Variants in AGBL1 observed in about 807,000 individuals in gnomAD.
AGBL1 encodes the protein cytosolic carboxypeptidase 4.
In AGBL1, 130 loss-of-function variants were observed where a neutral mutation model predicts 118.9. The ratio of observed to expected loss-of-function variants is 1.09; its 90% CI spans 0.95 to 1.26. The LOEUF (loss-of-function observed/expected upper bound fraction) is 1.26. Ranked by LOEUF, AGBL1 falls within the 50% of genes most tolerant of loss-of-function variation. The pLI is 0.00. For missense variants in AGBL1, 1,584 were observed against 1,298.1 expected (o/e 1.22, Z -3.38); for synonymous variants, 555 against 478.9 (o/e 1.16, Z -2.08).
At chr15:86,883,489 G>A (rs531450779) in intron 22 of AGBL1, among the ~76,000 whole-genome samples, 5 of 152,280 alleles carry the variant, frequency 3.3e-5, no homozygotes, top group South Asian at 4.1e-4. Flanking sequence ...AAAATCTCAC[G>A]TGTTCCTCTT....
chr15:86,169,953 T>A (rs1470806928), intron 5 of AGBL1, among the ~76,000 whole-genome samples: 2 of 152,070 alleles, frequency 1.3e-5, no homozygotes, highest in Admixed American at 1.3e-4. Flanking sequence ...AACACAAAAA[T>A]ATTCAGCACT....
chr15:86,552,205 C>G (rs2083672638), intron 20 of AGBL1, among the ~76,000 whole-genome samples: 1 of 152,088 alleles, frequency 6.6e-6, no homozygotes, highest in South Asian at 2.1e-4. Context: ...TGAGGGATGT[C>G]AATGTTGAGG....
intron 21 of AGBL1, among the ~76,000 whole-genome samples, chr15:86,658,328 G>C (rs908150287): frequency 1.3e-4 from 20 of 152,216 alleles, no homozygotes; most frequent in Admixed American, 8.5e-4. Flanking sequence ...ATGTAACAAT[G>C]TCTGACACTT....
intron 21 of AGBL1, among the ~76,000 whole-genome samples, chr15:86,647,584 C>T (rs1258970431): frequency 6.6e-6 from 1 of 152,044 alleles, no homozygotes; most frequent in Non-Finnish European, 1.5e-5. Context: ...ACCTGTAACC[C>T]CAGCTACTCG....
At chr15:86,738,004 A>T (rs984816018) in intron 22 of AGBL1, among the ~76,000 whole-genome samples, 4 of 152,172 alleles carry the variant, frequency 2.6e-5, no homozygotes, top group Non-Finnish European at 5.9e-5. Flanking sequence ...CAGATAAATA[A>T]ATGTGATATA....
chr15:86,591,446 T>C (rs1181539475), intron 21 of AGBL1, among the ~76,000 whole-genome samples: 1 of 152,182 alleles, frequency 6.6e-6, no homozygotes, highest in Non-Finnish European at 1.5e-5. Context: ...AGTTCAGGCT[T>C]CCGGAACTTC....
At chr15:86,458,745 A>G (rs943869660) in intron 18 of AGBL1, among the ~76,000 whole-genome samples, 3 of 152,194 alleles carry the variant, frequency 2.0e-5, no homozygotes, top group African/African-American at 7.2e-5. Context: ...ATCACTAAGT[A>G]CCTGTTGCAG....
chr15:86,975,193 C>T (rs78567271), intron 23 of AGBL1, among the ~76,000 whole-genome samples: 3,191 of 151,516 alleles, frequency 0.021, 125 homozygotes, highest in African/African-American at 0.073. Context: ...AATGACATAC[C>T]GGAGACTAGG....
intron 21 of AGBL1, among the ~76,000 whole-genome samples, chr15:86,664,744 C>T (rs1484704430): frequency 6.6e-6 from 1 of 151,714 alleles, no homozygotes; most frequent in African/African-American, 2.4e-5. Context: ...CATTCCTTTG[C>T]CTTTTATTAT....
chr15:86,506,112 T>C (rs1179615113), intron 18 of AGBL1, among the ~76,000 whole-genome samples: 1 of 152,074 alleles, frequency 6.6e-6, no homozygotes, highest in Admixed American at 6.6e-5. Context: ...TGTTGATGTC[T>C]GGGCATGCCT....
chr15:86,184,465 CA>C (rs1249768554), intron 5 of AGBL1, among the ~76,000 whole-genome samples: 1 of 144,876 alleles, frequency 6.9e-6, no homozygotes, highest in Non-Finnish European at 1.5e-5. Context: ...AGAGGGCAAA[CA>C]GCTTAAAAAT....
intron 21 of AGBL1, chr15:86,630,498 A>C (rs2084946873): frequency 6.6e-6 from 1 of 152,260 alleles, no homozygotes; most frequent in Non-Finnish European, 1.5e-5. Context: ...TGTGCTTCTC[A>C]AAACATTAAT....
intron 22 of AGBL1, among the ~76,000 whole-genome samples, chr15:86,830,083 A>G (rs1008992868): frequency 6.6e-6 from 1 of 152,082 alleles, no homozygotes; most frequent in Non-Finnish European, 1.5e-5. Context: ...TTAGAGTTAG[A>G]TGTATTTAGA....
chr15:86,092,013 C>T (rs571288733), intron 1 of AGBL1, among the ~76,000 whole-genome samples: 6 of 152,214 alleles, frequency 3.9e-5, no homozygotes, highest in African/African-American at 1.2e-4. Flanking sequence ...GCATTTGTAC[C>T]TCTCTCTTGA....
chr15:87,014,671 C>T (rs899160295), intron 24 of AGBL1, among the ~76,000 whole-genome samples: 2 of 152,042 alleles, frequency 1.3e-5, no homozygotes, highest in East Asian at 1.9e-4. Context: ...AGAAGAGTAC[C>T]CGGATATTTC....
At chr15:86,553,849 C>T (rs1596258600) in intron 20 of AGBL1, among the ~76,000 whole-genome samples, 2 of 147,246 alleles carry the variant, frequency 1.4e-5, no homozygotes, top group African/African-American at 4.9e-5. Context: ...TTCTGGACTT[C>T]AGCTATTTAT....
At chr15:86,117,844 C>A (rs540066947) in intron 1 of AGBL1, among the ~76,000 whole-genome samples, 1 of 152,250 alleles carries the variant, frequency 6.6e-6, no homozygotes, top group South Asian at 2.1e-4. Flanking sequence ...TGAAATCCAA[C>A]CCCAGGACCT....
At chr15:86,433,266 C>CTTTTTTTTTTTTTTTTTTTTTTT (rs59417397) in intron 18 of AGBL1, among the ~76,000 whole-genome samples, 4 of 74,888 alleles carry the variant, frequency 5.3e-5, no homozygotes, top group African/African-American at 1.1e-4. Context: ...CCTCCTTCTT[C>CTTTTTTTTTTTTTTTTTTTTTTT]TTTTTTTTTT....
intron 17 of AGBL1, among the ~76,000 whole-genome samples, chr15:86,371,736 T>C (rs1171690782): frequency 1.3e-5 from 2 of 152,126 alleles, no homozygotes; most frequent in African/African-American, 4.8e-5. Context: ...ATAGAAAATA[T>C]TTTTATGAGG....
Sources: allele counts gnomAD v4.1 joint callset (sites outside exome capture counted in the v4.1 genomes callset), GRCh38; gene constraint gnomAD v4.1.1; transcripts MANE v1.5; gene names NCBI Gene and HGNC (gene_info 2026-07-23, HGNC 2026-07-21).